Variants in CAMKMT observed in about 807,000 individuals in gnomAD.
CAMKMT encodes CaM KMT.
In CAMKMT, 53 loss-of-function variants were observed where a neutral mutation model predicts 48.0. The ratio of observed to expected loss-of-function variants is 1.10; its 90% CI spans 0.89 to 1.39. CAMKMT has a LOEUF of 1.39. CAMKMT is among the 40% of genes most tolerant of loss of function. CAMKMT has a pLI of 0.00. For synonymous variants in CAMKMT, 165 were observed against 152.3 expected, an observed-to-expected ratio of 1.08 and a Z score of -0.61; for missense variants, 428 against 402.7, an observed-to-expected ratio of 1.06 and a Z score of -0.54.
intron 3 of CAMKMT, among the ~76,000 whole-genome samples, chr2:44,621,238 G>T (rs1672171111): frequency 7.1e-6 from 1 of 139,898 alleles, no homozygotes; most frequent in African/African-American, 2.7e-5. Flanking sequence ...CTGCACTCCA[G>T]CCTGGGCGAC....
intron 3 of CAMKMT, among the ~76,000 whole-genome samples, chr2:44,695,435 G>A (rs905832994): frequency 7.2e-5 from 11 of 152,106 alleles, no homozygotes; most frequent in African/African-American, 2.7e-4. Context: ...TATTCTTCCA[G>A]AATGAGTGAA....
chr2:44,662,737 A>AT (rs1185778216), intron 3 of CAMKMT, among the ~76,000 whole-genome samples: 10 of 151,862 alleles, frequency 6.6e-5, no homozygotes, highest in Non-Finnish European at 1.3e-4. Flanking sequence ...TTAAATTTTA[A>AT]TTTTTTTGTA....
At chr2:44,646,178 G>A (rs180769066) in intron 3 of CAMKMT, among the ~76,000 whole-genome samples, 8 of 152,120 alleles carry the variant, frequency 5.3e-5, no homozygotes, top group Non-Finnish European at 1.0e-4. Context: ...GAGGCATCAA[G>A]GCAAAAAAAC....
intron 3 of CAMKMT, among the ~76,000 whole-genome samples, chr2:44,579,602 C>A (rs757356364): frequency 6.6e-6 from 1 of 152,218 alleles, no homozygotes; most frequent in Admixed American, 6.5e-5. Flanking sequence ...TTACTGCCCA[C>A]AAAAGGTTTT....
chr2:44,440,890 G>C lies in CAMKMT; in HGVS notation c.376+50585G>C, dbSNP rs967209516. Among the ~76,000 whole-genome samples, 10 of 151,768 alleles carry C rather than the reference G, an allele frequency of 6.6e-5. No homozygotes were observed. In the South Asian group the frequency reaches 2.1e-3, roughly 32 times the overall value. On this transcript the variant is annotated intron_variant, in intron 3 of 10. Transcript: ENST00000378494. ...TTTCACAGAATCCCTCTTTTACTTG[G>C]TGTAGTCAGAATTCTCCATTCCTCC...
intron 3 of CAMKMT, among the ~76,000 whole-genome samples, chr2:44,395,712 AC>A (rs1242847925): frequency 6.6e-6 from 1 of 152,206 alleles, no homozygotes; most frequent in African/African-American, 2.4e-5. Flanking sequence ...ATGTGAAAGT[AC>A]CAAGTAAACT....
chr2:44,693,385 T>C (rs1573093498), intron 3 of CAMKMT, among the ~76,000 whole-genome samples: 1 of 152,214 alleles, frequency 6.6e-6, no homozygotes, highest in South Asian at 2.1e-4. Context: ...ACTCTCTTCC[T>C]TTCTCATTTA....
chr2:44,729,808 G>T (rs573697443), intron 7 of CAMKMT, among the ~76,000 whole-genome samples: 1 of 152,178 alleles, frequency 6.6e-6, no homozygotes, highest in African/African-American at 2.4e-5. Flanking sequence ...TTCTCAAAGT[G>T]TGGCCCCCTG....
intron 3 of CAMKMT, among the ~76,000 whole-genome samples, chr2:44,690,639 G>A (rs1386330117): frequency 1.3e-5 from 2 of 152,196 alleles, no homozygotes; most frequent in Non-Finnish European, 2.9e-5. Context: ...ACACAGCCCA[G>A]TGTTTGCCAG....
intron 7 of CAMKMT, among the ~76,000 whole-genome samples, chr2:44,733,160 ACAT>A (rs1047375864): frequency 6.6e-6 from 1 of 152,204 alleles, no homozygotes; most frequent in Admixed American, 6.5e-5. Context: ...AATTGTTAAA[ACAT>A]CATTTCATCC....
chr2:44,440,346 T>G (rs1666570838), intron 3 of CAMKMT, among the ~76,000 whole-genome samples: 2 of 152,268 alleles, frequency 1.3e-5, no homozygotes, highest in East Asian at 3.9e-4. Flanking sequence ...TTATTTTATT[T>G]TTTGGATGAA....
chr2:44,676,788 T>C (rs1675718274), intron 3 of CAMKMT: 2 of 152,244 alleles, frequency 1.3e-5, no homozygotes, highest in Non-Finnish European at 2.9e-5. Context: ...ATGTTGATCC[T>C]TAAATGAAAT....
intron 3 of CAMKMT, among the ~76,000 whole-genome samples, chr2:44,523,475 T>C (rs906300922): frequency 1.3e-5 from 2 of 151,804 alleles, no homozygotes; most frequent in African/African-American, 4.8e-5. Flanking sequence ...TGCATTTTTT[T>C]GTAGAGAAAG....
chr2:44,712,753 G>A lies in CAMKMT; in HGVS notation c.557-2534G>A, dbSNP rs1020242785. Among the ~76,000 whole-genome samples, 4 of 152,222 alleles carry A rather than the reference G, an allele frequency of 2.6e-5. No homozygotes were observed. In the East Asian group the frequency reaches 5.8e-4, roughly 22 times the overall value. ...CGGTTCAGAGAACACGATTTGGCCC[G>A]TTGTGTTGAACACTATCCTGGACAT... is the stretch of plus-strand genomic sequence containing the variant. On this transcript the variant is annotated intron_variant, in intron 6 of 10. Transcript: ENST00000378494.
Position 44,589,649 on chromosome 2 carries a change from T to C in CAMKMT, c.377-114634T>C, listed in dbSNP as rs539676172. Among the ~76,000 whole-genome samples, 2 of 81,044 alleles carry C rather than the reference T, an allele frequency of 2.5e-5. 1 individual carries two copies. Among genetic ancestry groups the C allele is most frequent in the South Asian group, 8.0e-4 (2 of 2,502 alleles). 53.2% of individuals were successfully genotyped at this position (81,044 alleles called of 152,430 possible). A position where few individuals can be genotyped will look rare whatever the true frequency, so the allele number is the denominator to read the frequency against. On this transcript the variant is annotated intron_variant, in intron 3 of 10. Coordinates refer to ENST00000378494, the MANE Select transcript of CAMKMT (RefSeq NM_024766.5). ...TCAGGGTTACATGGATTAAAGGCGG[T>C]GCAAGATGTGCTTTGTTAAACAGAT...
intron 3 of CAMKMT, among the ~76,000 whole-genome samples, chr2:44,427,650 C>A (rs1488980455): frequency 2.0e-5 from 3 of 152,178 alleles, no homozygotes; most frequent in Non-Finnish European, 4.4e-5. Context: ...CCACAAGTAT[C>A]CCCTGTATCT....
chr2:44,592,671 G>A (rs545299545), intron 3 of CAMKMT, among the ~76,000 whole-genome samples: 8 of 152,168 alleles, frequency 5.3e-5, no homozygotes, highest in African/African-American at 1.9e-4. Flanking sequence ...GTAAGTATAG[G>A]AAAAAACATA....
At chr2:44,733,533 C>T (rs1338350711) in intron 7 of CAMKMT, among the ~76,000 whole-genome samples, 1 of 152,126 alleles carries the variant, frequency 6.6e-6, no homozygotes, top group Non-Finnish European at 1.5e-5. Context: ...AGGAAGAAAG[C>T]ATCGGGTCTT....
intron 3 of CAMKMT, among the ~76,000 whole-genome samples, chr2:44,436,212 A>T (rs1666240731): frequency 6.6e-6 from 1 of 152,104 alleles, no homozygotes; most frequent in Admixed American, 6.6e-5. Context: ...AGTAACTGGG[A>T]CTACGGATGT....
Sources: gnomAD v4.1 joint callset for allele counts (sites outside exome capture counted in the v4.1 genomes callset) on GRCh38, gnomAD v4.1.1 for gene constraint, MANE v1.5 for transcripts, NCBI Gene and HGNC (gene_info 2026-07-23, HGNC 2026-07-21) for gene names.